Variants in PAK3 observed in about 807,000 individuals in gnomAD.
PAK3 encodes the protein serine/threonine-protein kinase PAK 3.
A neutral mutation model predicts 41.0 loss-of-function variants in PAK3; 4 were observed. That is an observed-to-expected ratio of 0.10 (90% CI 0.05 to 0.22). PAK3 has a LOEUF of 0.22. Ranked by LOEUF, PAK3 falls within the 10% of genes least tolerant of loss-of-function variation. PAK3 has a pLI of 1.00. For synonymous variants in PAK3, 146 were observed against 139.6 expected, an observed-to-expected ratio of 1.05 and a Z score of -0.32; for missense variants, 205 against 409.9, an observed-to-expected ratio of 0.50 and a Z score of 4.32.
intron 1 of PAK3, among the ~76,000 whole-genome samples, chrX:111,077,307 A>T (rs2092794142): frequency 8.9e-6 from 1 of 112,146 alleles, no homozygotes; most frequent in Non-Finnish European, 1.9e-5. Context: ...TAGAAAAACA[A>T]TCCTAATATT....
chrX:111,128,085 G>A (rs150544660), intron 5 of PAK3, among the ~76,000 whole-genome samples: 8,105 of 112,253 alleles, frequency 0.072, 493 homozygotes, highest in African/African-American at 0.2. Context: ...ATATTGGAAA[G>A]AAGCAGGTGA....
At chrX:111,036,932 A>G (rs781339003) in intron 1 of PAK3, among the ~76,000 whole-genome samples, 10 of 111,326 alleles carry the variant, frequency 9.0e-5, no homozygotes, top group African/African-American at 3.3e-4. Flanking sequence ...TAACCATTAG[A>G]GTCTTAGGTT....
intron 11 of PAK3, among the ~76,000 whole-genome samples, chrX:111,178,978 T>TAGAGAGAGAGAGAGAGAG (rs1278340574): frequency 3.2e-5 from 3 of 92,582 alleles, no homozygotes; most frequent in African/African-American, 1.2e-4. Context: ...TATATATATA[T>TAGAGAGAGAGAGAGAGAG]ATAGAGAGAG....
At chrX:111,204,718 C>A (rs1030223660) in intron 16 of PAK3, among the ~76,000 whole-genome samples, 2 of 110,950 alleles carry the variant, frequency 1.8e-5, no homozygotes, top group African/African-American at 6.5e-5. Context: ...TTAGATAAGA[C>A]GCTCTGCAGA....
chrX:111,005,866 G>C lies in PAK3; in HGVS notation c.-28+61238G>C, dbSNP rs1263270933. Among the ~76,000 whole-genome samples the C allele has an allele frequency of 2.7e-5, 3 of 111,746 alleles. No homozygotes were observed. The Admixed American group carries it at 2.8e-4, about 11-fold the overall frequency. On this transcript the variant is annotated intron_variant, in intron 1 of 14. Transcript: ENST00000425146. ...AAAAATGAATGTTTTGTTTACATTA[G>C]TGAGGTGGCATCAAAAAGCAATGAG...
chrX:111,020,143 A>G (rs927981379), intron 1 of PAK3, among the ~76,000 whole-genome samples: 20 of 112,457 alleles, frequency 1.8e-4, no homozygotes, highest in African/African-American at 5.8e-4. Flanking sequence ...ATTATTCACA[A>G]TAGCTAAAAG....
At chrX:111,171,410 AAGCTGCACCCTTATTCCC>A (rs2094339197) in intron 10 of PAK3, among the ~76,000 whole-genome samples, 1 of 110,103 alleles carries the variant, frequency 9.1e-6, no homozygotes, top group Non-Finnish European at 1.9e-5. Flanking sequence ...TACCCTTGAG[AAGCTGCACCCTTATTCCC>A]ATGATTGTTC....
At chrX:111,141,083 AT>A (rs1344925114) in intron 5 of PAK3, among the ~76,000 whole-genome samples, 3 of 110,619 alleles carry the variant, frequency 2.7e-5, no homozygotes, top group South Asian at 3.9e-4. Context: ...GGTGAGTACT[AT>A]TTTTTTCAGT....
chrX:111,177,808 G>A (rs992922286), intron 11 of PAK3, among the ~76,000 whole-genome samples: 1 of 111,973 alleles, frequency 8.9e-6, no homozygotes, highest in African/African-American at 3.2e-5. Flanking sequence ...AATGTTGGCA[G>A]CTGTCCTCAC....
chrX:111,155,052 A>G (rs762578558), intron 8 of PAK3, among the ~76,000 whole-genome samples: 7 of 110,724 alleles, frequency 6.3e-5, no homozygotes, highest in Non-Finnish European at 1.3e-4. Flanking sequence ...CCATTAAGTT[A>G]GAAAAAAAAA....
At chrX:111,180,036 A>T (rs1310025806) in intron 11 of PAK3, among the ~76,000 whole-genome samples, 1 of 111,232 alleles carries the variant, frequency 9.0e-6, no homozygotes, top group Non-Finnish European at 1.9e-5. Context: ...GGGATTACAT[A>T]TGAGAGCCAC....
intron 1 of PAK3, among the ~76,000 whole-genome samples, chrX:110,980,071 A>C (rs1421560163): frequency 8.9e-6 from 1 of 112,106 alleles, no homozygotes; most frequent in Non-Finnish European, 1.9e-5. Flanking sequence ...GACCCACTCC[A>C]TCCTCAAAAC....
chrX:111,082,357 A>G (rs1377030563), intron 1 of PAK3, among the ~76,000 whole-genome samples: 1 of 112,017 alleles, frequency 8.9e-6, no homozygotes, highest in Non-Finnish European at 1.9e-5. Flanking sequence ...AGTGCATGCC[A>G]TTTCATTTGT....
At chrX:110,965,136 G>A (rs925369409) in intron 1 of PAK3, among the ~76,000 whole-genome samples, 1 of 112,390 alleles carries the variant, frequency 8.9e-6, no homozygotes, top group East Asian at 2.8e-4. Flanking sequence ...GAACAAAGGG[G>A]CCAGCCTTGA....
At chrX:110,979,833 A>G (rs948883694) in intron 1 of PAK3, among the ~76,000 whole-genome samples, 1 of 111,583 alleles carries the variant, frequency 9.0e-6, no homozygotes, top group African/African-American at 3.3e-5. Context: ...TTTCATTCTG[A>G]TCTGTAGGTT....
At chrX:111,149,656 G>T (rs2093999073) in intron 7 of PAK3, among the ~76,000 whole-genome samples, 1 of 112,233 alleles carries the variant, frequency 8.9e-6, no homozygotes, top group African/African-American at 3.2e-5. Flanking sequence ...CTGTATGTTG[G>T]CCCCTTTCAG....
intron 1 of PAK3, among the ~76,000 whole-genome samples, chrX:111,072,134 A>G (rs2092750193): frequency 8.9e-6 from 1 of 112,101 alleles, no homozygotes; most frequent in African/African-American, 3.2e-5. Flanking sequence ...TCTACTTGCA[A>G]TCTCCACTAC....
chrX:111,137,792 T>C (rs968486393), intron 5 of PAK3, among the ~76,000 whole-genome samples: 1 of 111,630 alleles, frequency 9.0e-6, no homozygotes, highest in Non-Finnish European at 1.9e-5. Context: ...CAGCAATTTG[T>C]AGCCTTGTTC....
At chrX:111,057,789 C>T (rs1431549850) in intron 1 of PAK3, among the ~76,000 whole-genome samples, 2 of 111,662 alleles carry the variant, frequency 1.8e-5, no homozygotes, top group Non-Finnish European at 3.8e-5. Flanking sequence ...AGAACATTTT[C>T]ATTGCCCTGA....
Sources: allele counts gnomAD v4.1 joint callset (sites outside exome capture counted in the v4.1 genomes callset), GRCh38; gene constraint gnomAD v4.1.1; transcripts MANE v1.5; gene names NCBI Gene and HGNC (gene_info 2026-07-23, HGNC 2026-07-21).